The following NBAS variants were observed in gnomAD, a reference collection of about 807,000 sequenced individuals.
The protein encoded by NBAS is NAG/BC035112 fusion.
NBAS carries 219 observed loss-of-function variants against 302.5 expected under a neutral mutation model. The ratio of observed to expected loss-of-function variants is 0.72; its 90% CI spans 0.65 to 0.81. The LOEUF (loss-of-function observed/expected upper bound fraction) is 0.81. NBAS is among the 30% of genes least tolerant of loss of function. The pLI is 0.00. For missense variants in NBAS, 2,932 were observed against 2,841.6 expected, an observed-to-expected ratio of 1.03 and a Z score of -0.72; for synonymous variants, 1,118 against 1,021.6, an observed-to-expected ratio of 1.09 and a Z score of -1.80.
In NBAS at chr2:15,202,520, GTTTATTTATTTA is replaced by G. The variant is rs57260326; in HGVS notation, c.6433-12129_6433-12118del. Reference sequence around the variant, plus strand: ...CCCCTATAAATACGTGTGTTTGTTTGTTTATTTATTTATTTATTTATTTATTTATTTATTTAG... The same window carrying G: ...CCCCTATAAATACGTGTGTTTGTTTGTTTATTTATTTATTTATTTATTTAG... On this transcript the variant is annotated intron_variant, in intron 48 of 51. Transcript: ENST00000281513. Among the ~76,000 whole-genome samples, 172 of 149,908 alleles carry G rather than the reference GTTTATTTATTTA, an allele frequency of 1.1e-3. 1 individual carries two copies. Among genetic ancestry groups the G allele is most frequent in the African/African-American group, 3.7e-3 (149 of 40,492 alleles).
chr2:15,454,544 C>T (rs1220976014), intron 21 of NBAS, among the ~76,000 whole-genome samples: 2 of 152,198 alleles, frequency 1.3e-5, no homozygotes, highest in Non-Finnish European at 2.9e-5. Flanking sequence ...ACACAAATTT[C>T]TCATTTGCTG....
chr2:14,829,707 G>A, the NBAS span, among the ~76,000 whole-genome samples: 4 of 152,118 alleles, frequency 2.6e-5, no homozygotes, highest in African/African-American at 9.7e-5. Flanking sequence ...GAGCAAATAG[G>A]CAAGGCTACT....
the NBAS span, among the ~76,000 whole-genome samples, chr2:15,080,336 G>A: frequency 6.6e-6 from 1 of 152,196 alleles, no homozygotes; most frequent in South Asian, 2.1e-4. Flanking sequence ...CTCAGTCCTA[G>A]AGATTCAACT....
At chr2:15,315,324 C>G (rs1671458466) in intron 38 of NBAS, among the ~76,000 whole-genome samples, 1 of 152,130 alleles carries the variant, frequency 6.6e-6, no homozygotes, top group Non-Finnish European at 1.5e-5. Context: ...GCAATATTAA[C>G]TGGAGGGTAC....
Position 15,461,198 on chromosome 2 carries a change from T to C in NBAS, c.2339+3A>G, listed in dbSNP as rs748290800. The stretch of plus-strand genomic sequence containing the variant: ...GTAAAATTCTGTTAACATAGTCACA[T>C]ACCAAGCTTCGGGCAGCAAAACAGA... On this transcript the variant is annotated splice_donor_region_variant and intron_variant, in intron 21 of 51. Coordinates refer to ENST00000281513, the MANE Select transcript of NBAS (RefSeq NM_015909.4). The C allele has an allele frequency of 3.7e-5, 59 of 1,613,286 alleles. No homozygotes were observed. Among genetic ancestry groups the C allele is most frequent in the Non-Finnish European group, 4.7e-5 (55 of 1,179,460 alleles).
intron 45 of NBAS, among the ~76,000 whole-genome samples, chr2:15,237,511 G>T (rs1053152258): frequency 6.6e-6 from 1 of 151,548 alleles, no homozygotes; most frequent in Non-Finnish European, 1.5e-5. Flanking sequence ...GACATAAAAG[G>T]CTATTTCTGA....
intron 40 of NBAS, among the ~76,000 whole-genome samples, chr2:15,294,408 G>A (rs1670453753): frequency 6.6e-6 from 1 of 152,204 alleles, no homozygotes; most frequent in Non-Finnish European, 1.5e-5. Flanking sequence ...AGTGATTTGG[G>A]AACCAGCTGC....
the NBAS span, among the ~76,000 whole-genome samples, chr2:15,137,003 A>T: frequency 6.6e-6 from 1 of 152,194 alleles, no homozygotes; most frequent in Non-Finnish European, 1.5e-5. Context: ...AGTCTCAGGT[A>T]GTTCTTGATA....
chr2:15,221,195 G>A (rs1028232075), intron 47 of NBAS, among the ~76,000 whole-genome samples: 37 of 152,240 alleles, frequency 2.4e-4, no homozygotes, highest in African/African-American at 5.8e-4. Context: ...CGGGAAGACC[G>A]TTAAAAAAAA....
chr2:15,298,636 T>C (rs1670657649), intron 40 of NBAS, among the ~76,000 whole-genome samples: 1 of 152,210 alleles, frequency 6.6e-6, no homozygotes, highest in Non-Finnish European at 1.5e-5. Flanking sequence ...CTTCCGATAT[T>C]CAAATTAAAT....
At chr2:15,440,663 G>T (rs1678336774) in intron 21 of NBAS, among the ~76,000 whole-genome samples, 1 of 152,236 alleles carries the variant, frequency 6.6e-6, no homozygotes, top group African/African-American at 2.4e-5. Flanking sequence ...GATGGAGAAT[G>T]ACTTTGATGA....
At chr2:15,493,829 CTTTT>C (rs10715868) in intron 11 of NBAS, among the ~76,000 whole-genome samples, 6 of 113,550 alleles carry the variant, frequency 5.3e-5, no homozygotes, top group African/African-American at 6.5e-5. Flanking sequence ...GCAATTTTCT[CTTTT>C]TTTTTTTTTT....
At chr2:15,285,526 T>G (rs780569066) in intron 42 of NBAS, among the ~76,000 whole-genome samples, 1 of 152,228 alleles carries the variant, frequency 6.6e-6, no homozygotes, top group Non-Finnish European at 1.5e-5. Flanking sequence ...TTCTCATCTA[T>G]GTGCGTATGA....
chr2:15,299,152 T>A, intron 40 of NBAS, among the ~76,000 whole-genome samples: 1 of 152,226 alleles, frequency 6.6e-6, no homozygotes, highest in East Asian at 1.9e-4. Flanking sequence ...AAATCTTCCA[T>A]ATTCAGTATT....
chr2:15,259,589 G>A (rs1668759185), intron 44 of NBAS, among the ~76,000 whole-genome samples: 1 of 152,134 alleles, frequency 6.6e-6, no homozygotes, highest in South Asian at 2.1e-4. Context: ...TTTCCTGAAG[G>A]ACCTGGGATC....
At chr2:15,156,132 C>T in the NBAS span, among the ~76,000 whole-genome samples, 1 of 152,064 alleles carries the variant, frequency 6.6e-6, no homozygotes, top group Non-Finnish European at 1.5e-5. Flanking sequence ...CCTTTGAACT[C>T]AGCTAGCCTA....
chr2:14,865,278 C>T, the NBAS span, among the ~76,000 whole-genome samples: 1 of 151,526 alleles, frequency 6.6e-6, no homozygotes, highest in Non-Finnish European at 1.5e-5. Flanking sequence ...TGTATCAATA[C>T]TCCATTAGCC....
In NBAS at chr2:15,399,196, C is replaced by T. The variant is rs541128495; in HGVS notation, c.3072-2721G>A. On this transcript the variant is annotated intron_variant, in intron 26 of 51. Transcript: ENST00000281513. ...TATTTACTTTTAAGAGTTATGCACACGAGTTGGAAGTCAGTGATTTTGCCT... is the reference window on the plus strand; with the variant it reads ...TATTTACTTTTAAGAGTTATGCACATGAGTTGGAAGTCAGTGATTTTGCCT... Among the ~76,000 whole-genome samples the T allele has an allele frequency of 1.8e-4, 28 of 152,148 alleles. No individual in the cohort carries two copies. In the South Asian group the frequency reaches 4.4e-3, roughly 24 times the overall value.
intron 48 of NBAS, among the ~76,000 whole-genome samples, chr2:15,208,380 T>C (rs1225742893): frequency 6.6e-6 from 1 of 152,130 alleles, no homozygotes; most frequent in Non-Finnish European, 1.5e-5. Context: ...ATGTGGTAAT[T>C]ATGGGAACTA....
Sources: allele counts gnomAD v4.1 joint callset (sites outside exome capture counted in the v4.1 genomes callset), GRCh38; gene constraint gnomAD v4.1.1; transcripts MANE v1.5; gene names NCBI Gene and HGNC (gene_info 2026-07-23, HGNC 2026-07-21).